VPS13D: variants seen among roughly 807,000 people sequenced by gnomAD.
The protein encoded by VPS13D is intermembrane lipid transfer protein VPS13D.
Under a neutral mutation model 461.9 loss-of-function variants are expected in VPS13D, and 187 were observed. The observed-to-expected ratio is 0.40, with a 90% CI of 0.36 to 0.46. The LOEUF is 0.46. Ranked by LOEUF, VPS13D falls within the 20% of genes least tolerant of loss-of-function variation. The probability of loss-of-function intolerance (pLI) is 0.60; values close to 1 mark genes in which losing one functional copy is unlikely to be tolerated. For synonymous variants in VPS13D, 1,951 were observed against 1,986.3 expected (o/e 0.98, Z 0.47); for missense variants, 4,711 against 5,364.9 (o/e 0.88, Z 3.81).
intron 1 of VPS13D, among the ~76,000 whole-genome samples, chr1:12,230,493 C>A (rs1385116884): frequency 1.3e-5 from 2 of 152,124 alleles, no homozygotes; most frequent in Non-Finnish European, 2.9e-5. Context: ...CAGCCTGGCG[C>A]CCTGGAATTG....
Position 12,293,676 on chromosome 1 carries a change from G to A in VPS13D, c.6005G>A (p.Arg2002His), listed in dbSNP as rs754184848. 1.1e-5 allele frequency: 17 copies of A among 1,613,786 alleles called. No individual in the cohort carries two copies. Among genetic ancestry groups the A allele is most frequent in the African/African-American group, 1.3e-5 (1 of 74,906 alleles). ...ACTCAGCTGCAGGATGTCTTAGGGCGCCAGCGAGCTGCTATTGAGGGGCAG... is the reference window on the plus strand; with the variant it reads ...ACTCAGCTGCAGGATGTCTTAGGGCACCAGCGAGCTGCTATTGAGGGGCAG... ...HFTQLQDVLG[R>H]QRAAIEGQTV... is the part of the protein sequence containing the mutation. Residue 2002 changes from arginine (R) to histidine (H), a missense_variant, in exon 24 of 70, where the codon CGC (arginine) becomes CAC (histidine). By Grantham distance (29) the Arg-to-His change is conservative. Transcript: ENST00000620676.
intron 14 of VPS13D, 37 bp from the exon 15 acceptor site, chr1:12,267,808 G>A (rs373133149): frequency 7.2e-5 from 115 of 1,594,998 alleles, no homozygotes; most frequent in Non-Finnish European, 9.0e-5. Context: ...CCCCTCTCAC[G>A]CTGACGTTTA....
At chr1:12,347,400 G>A (rs535969029) in intron 44 of VPS13D, among the ~76,000 whole-genome samples, 8 of 152,282 alleles carry the variant, frequency 5.3e-5, no homozygotes, top group African/African-American at 1.7e-4. Context: ...TCGATCTCCT[G>A]ACCTCGTGAT....
intron 65 of VPS13D, among the ~76,000 whole-genome samples, chr1:12,447,590 T>G (rs918620640): frequency 3.0e-4 from 46 of 152,298 alleles, no homozygotes; most frequent in African/African-American, 1.1e-3. Context: ...TGGGAACGGA[T>G]TTCTTTCTAA....
Position 12,318,351 on chromosome 1 carries a change from G to A in VPS13D, c.7414+14G>A. 6.3e-7 allele frequency: 1 copy of A among 1,597,420 alleles called. No homozygotes were observed. On this transcript the variant is annotated intron_variant, in intron 31 of 69. Coordinates refer to ENST00000620676, the MANE Select transcript of VPS13D (RefSeq NM_015378.4). Reference sequence around the variant, plus strand: ...TCAATGTAACAGGTGATTATATGTGGGTGTGATTCATTGGTGCTTAGTTTG... The same window carrying A: ...TCAATGTAACAGGTGATTATATGTGAGTGTGATTCATTGGTGCTTAGTTTG...
intron 67 of VPS13D, among the ~76,000 whole-genome samples, chr1:12,479,851 G>A (rs1039343530): frequency 7.9e-5 from 12 of 152,176 alleles, no homozygotes; most frequent in African/African-American, 2.7e-4. Flanking sequence ...CACTTGGAGA[G>A]GAGGTACTAT....
At chr1:12,452,945 C>G (rs898264815) in intron 65 of VPS13D, among the ~76,000 whole-genome samples, 4 of 152,182 alleles carry the variant, frequency 2.6e-5, no homozygotes, top group Non-Finnish European at 5.9e-5. Context: ...AACAGGAATT[C>G]AGACAGAAGT....
At chr1:12,486,636 G>A (rs1326880026) in intron 67 of VPS13D, among the ~76,000 whole-genome samples, 2 of 152,208 alleles carry the variant, frequency 1.3e-5, no homozygotes, top group Non-Finnish European at 2.9e-5. Context: ...ACTTTCTAGT[G>A]TCCCCCCCAC....
chr1:12,302,087 A>C (rs1642438618), intron 25 of VPS13D, among the ~76,000 whole-genome samples: 1 of 152,214 alleles, frequency 6.6e-6, no homozygotes, highest in Non-Finnish European at 1.5e-5. Context: ...TACTGTGTTG[A>C]ATACTGTAGG....
chr1:12,477,558 TCTAAAA>T (rs1270005828), intron 67 of VPS13D, among the ~76,000 whole-genome samples: 4 of 152,136 alleles, frequency 2.6e-5, no homozygotes, highest in Non-Finnish European at 5.9e-5. Flanking sequence ...TGGGCTAAAC[TCTAAAA>T]CTAAAATGAA....
chr1:12,325,506 C>T (rs1643157604), intron 35 of VPS13D, among the ~76,000 whole-genome samples: 1 of 152,152 alleles, frequency 6.6e-6, no homozygotes, highest in Admixed American at 6.5e-5. Flanking sequence ...GATCCACCTG[C>T]CTTGGCCTCC....
In VPS13D at chr1:12,356,461, A is replaced by G; in HGVS notation, c.9935A>G (p.His3312Arg). 1.2e-6 allele frequency: 2 copies of G among 1,614,140 alleles called. No homozygotes were observed. The highest frequency in any genetic ancestry group is 1.1e-5 in the South Asian group (1 of 91,076). The change falls in exon 49 of 70, where the codon CAT becomes CGT. Residue 3312 changes from histidine to arginine, a missense_variant. This residue lies in a region of VPS13D where 4,411 missense variants were observed against 4,937.8 expected (regional missense o/e 0.89). Transcript: ENST00000620676. ...GATGCTGCAGGCCAGTTTGAGGAGC[A>G]TGAGCTGGCCCGTAGCCTGAGTCCT... ...KTDAAGQFEE[H>R]ELARSLSPLL...
At chr1:12,360,619 T>G (rs1643933449) in intron 50 of VPS13D, among the ~76,000 whole-genome samples, 1 of 152,242 alleles carries the variant, frequency 6.6e-6, no homozygotes, top group Non-Finnish European at 1.5e-5. Flanking sequence ...TATGATAATG[T>G]TGATTTCTGA....
intron 1 of VPS13D, among the ~76,000 whole-genome samples, chr1:12,232,327 T>C (rs1191252003): frequency 1.5e-4 from 23 of 152,220 alleles, no homozygotes; most frequent in Admixed American, 1.4e-3. Flanking sequence ...GGAGGCCTTG[T>C]GCTTCAGGTA....
At position 12,335,774 on chromosome 1, in the gene VPS13D, C is replaced by T; in HGVS notation, c.8498C>T (p.Ala2833Val). The T allele has an allele frequency of 6.2e-7, 1 of 1,614,154 alleles. No individual in the cohort carries two copies. The highest frequency in any genetic ancestry group is 1.3e-5 in the African/African-American group (1 of 75,040). Reference sequence around the variant, plus strand: ...AAAGATGACAAGGACATAGAGTCAGCTAAATCAGAAGACTGGATGGGCTCT... The same window carrying T: ...AAAGATGACAAGGACATAGAGTCAGTTAAATCAGAAGACTGGATGGGCTCT... ...YCKDDKDIESAKSEDWMGSSV... is the reference protein window; with the variant it reads ...YCKDDKDIESVKSEDWMGSSV... The change falls in exon 39 of 70, where the codon GCT (alanine) becomes GTT (valine). Residue 2833 changes from alanine to valine, a missense_variant. Coordinates refer to ENST00000620676, the MANE Select transcript of VPS13D (RefSeq NM_015378.4).
At position 12,288,323 on chromosome 1, in the gene VPS13D, G is replaced by C; in HGVS notation, c.5725+10G>C. ...CACCTGGAAATGATTGGTAAGTGGT[G>C]GGGGGTGGAGGGAAGCAAACTTGCA... is the stretch of plus-strand genomic sequence containing the variant. On this transcript the variant is annotated intron_variant, in intron 22 of 69. Transcript: ENST00000620676. 1.2e-6 allele frequency: 2 copies of C among 1,611,410 alleles called. No individual in the cohort carries two copies. Among genetic ancestry groups the C allele is most frequent in the Non-Finnish European group, 1.7e-6 (2 of 1,177,736 alleles).
intron 50 of VPS13D, among the ~76,000 whole-genome samples, 155 bp downstream of exon 50, chr1:12,358,756 A>C (rs1478757135): frequency 6.6e-6 from 1 of 152,112 alleles, no homozygotes; most frequent in Non-Finnish European, 1.5e-5. Context: ...TGCTACAGTG[A>C]TATCAACACA....
At chr1:12,432,378 G>C (rs1210246872) in intron 65 of VPS13D, among the ~76,000 whole-genome samples, 1 of 146,742 alleles carries the variant, frequency 6.8e-6, no homozygotes, top group African/African-American at 2.5e-5. Flanking sequence ...TGGGCAACAA[G>C]AGCAAAACTC....
chr1:12,306,937 T>G (rs1213118992), intron 26 of VPS13D, among the ~76,000 whole-genome samples: 7 of 152,202 alleles, frequency 4.6e-5, no homozygotes, highest in Admixed American at 1.3e-4. Flanking sequence ...CAGGTGGTAA[T>G]GCTCGCTGAC....
Sources: gnomAD v4.1 joint callset for allele counts (sites outside exome capture counted in the v4.1 genomes callset) on GRCh38, gnomAD v4.1.1 for gene constraint, gnomAD v4.1.1 regional missense constraint, MANE v1.5 for transcripts, NCBI Gene and HGNC (gene_info 2026-07-23, HGNC 2026-07-21) for gene names.